The following NELL1 variants were observed in gnomAD, a reference collection of about 807,000 sequenced individuals.
The protein encoded by NELL1 is protein kinase C-binding protein NELL1.
A neutral mutation model predicts 107.4 loss-of-function variants in NELL1; 76 were observed. That is an observed-to-expected ratio of 0.71 (90% confidence interval 0.59 to 0.86). NELL1 has a LOEUF of 0.86. NELL1 is among the 40% of genes least tolerant of loss of function. The probability of loss-of-function intolerance (pLI) is 0.00; values close to 1 mark genes in which losing one functional copy is unlikely to be tolerated. For missense variants in NELL1, 1,024 were observed against 1,005.5 expected (o/e 1.02, Z -0.25); for synonymous variants, 353 against 341.2 (o/e 1.03, Z -0.38).
chr11:20,702,272 T>G (rs1295183451), intron 2 of NELL1, among the ~76,000 whole-genome samples: 1 of 152,182 alleles, frequency 6.6e-6, no homozygotes, highest in Non-Finnish European at 1.5e-5. Context: ...TTTGAAGCAA[T>G]TATGAATAGG....
intron 12 of NELL1, among the ~76,000 whole-genome samples, chr11:21,093,309 C>A (rs1854563404): frequency 6.6e-6 from 1 of 152,094 alleles, no homozygotes; most frequent in Non-Finnish European, 1.5e-5. Flanking sequence ...TCCATCTTTG[C>A]CATTTGGGCA....
intron 14 of NELL1, among the ~76,000 whole-genome samples, chr11:21,343,710 A>G (rs926756120): frequency 6.6e-6 from 1 of 152,180 alleles, no homozygotes; most frequent in Non-Finnish European, 1.5e-5. Flanking sequence ...ATGTAAATTA[A>G]TGAGCTTCAC....
intron 16 of NELL1, among the ~76,000 whole-genome samples, chr11:21,546,004 C>A (rs914750828): frequency 6.6e-6 from 1 of 151,944 alleles, no homozygotes; most frequent in Admixed American, 6.6e-5. Flanking sequence ...GGGGTTTTCA[C>A]TGAAAGCCCT....
At chr11:21,055,049 T>TA (rs1211744611) in intron 12 of NELL1, among the ~76,000 whole-genome samples, 1 of 152,074 alleles carries the variant, frequency 6.6e-6, no homozygotes, top group Non-Finnish European at 1.5e-5. Context: ...TACCTTGCCT[T>TA]ATGGTGTGAG....
chr11:20,945,408 T>A (rs1850941657), intron 10 of NELL1, among the ~76,000 whole-genome samples: 1 of 152,242 alleles, frequency 6.6e-6, no homozygotes, highest in African/African-American at 2.4e-5. Flanking sequence ...TGCATGTAAC[T>A]TCCGGCTCTC....
intron 3 of NELL1, among the ~76,000 whole-genome samples, chr11:20,790,822 G>T (rs1485487988): frequency 6.6e-6 from 1 of 152,214 alleles, no homozygotes; most frequent in Non-Finnish European, 1.5e-5. Flanking sequence ...GCTTTTTCAA[G>T]GCTCCCAGTG....
intron 15 of NELL1, among the ~76,000 whole-genome samples, chr11:21,524,174 C>T (rs1204649608): frequency 6.6e-6 from 1 of 152,056 alleles, no homozygotes; most frequent in Non-Finnish European, 1.5e-5. Context: ...TGGTTTAAAT[C>T]CCCACTCTGT....
intron 14 of NELL1, among the ~76,000 whole-genome samples, chr11:21,349,940 A>G (rs915342647): frequency 1.3e-5 from 2 of 152,144 alleles, no homozygotes; most frequent in African/African-American, 2.4e-5. Context: ...AATCATTTCA[A>G]TTAACTGTGC....
intron 11 of NELL1, among the ~76,000 whole-genome samples, chr11:20,953,175 G>A (rs1249238625): frequency 3.3e-5 from 5 of 152,134 alleles, no homozygotes; most frequent in Admixed American, 3.3e-4. Context: ...TTCAAGGTTG[G>A]GTAAGCAGTA....
At chr11:20,716,715 T>G (rs1519723) in intron 2 of NELL1, among the ~76,000 whole-genome samples, 5,264 of 152,318 alleles carry the variant, frequency 0.035, 311 homozygotes, top group African/African-American at 0.12. Context: ...TTACTAGCTG[T>G]GTAATCTTGG....
intron 14 of NELL1, among the ~76,000 whole-genome samples, chr11:21,267,363 G>C (rs1385844062): frequency 6.6e-6 from 1 of 151,802 alleles, no homozygotes; most frequent in African/African-American, 2.4e-5. Flanking sequence ...TACCTGTGGG[G>C]GTTTGAATTT....
rs973620661 is a variant in NELL1, at chr11:21,337,743, T to C, written c.1550-33110T>C. 4.0e-5 allele frequency among the ~76,000 whole-genome samples: 4 copies of C among 99,554 alleles called. No individual in the cohort carries two copies. The East Asian group carries it at 1.2e-3, about 31-fold the overall frequency. The allele number at this position is 99,554 out of a possible 152,430, so 65.3% of individuals were successfully genotyped here. On this transcript the variant is annotated intron_variant, in intron 14 of 19. Transcript: ENST00000357134. ...CATTCTTTTCTTTCTTTCCTTTCTTTCTTTCTTTCTTTCTTTCTTTCTTTC... is the reference window on the plus strand; with the variant it reads ...CATTCTTTTCTTTCTTTCCTTTCTTCCTTTCTTTCTTTCTTTCTTTCTTTC...
chr11:21,475,088 A>G (rs1202828551), intron 15 of NELL1, among the ~76,000 whole-genome samples: 1 of 152,190 alleles, frequency 6.6e-6, no homozygotes, highest in African/African-American at 2.4e-5. Context: ...TATCCTGCAT[A>G]TGCGAAAAAC....
intron 13 of NELL1, among the ~76,000 whole-genome samples, chr11:21,126,906 A>C (rs184574476): frequency 3.0e-4 from 45 of 152,320 alleles, no homozygotes; most frequent in Admixed American, 8.5e-4. Context: ...AAGTCAAGAG[A>C]AATATCACCT....
intron 9 of NELL1, among the ~76,000 whole-genome samples, chr11:20,933,619 T>C (rs1347768404): frequency 6.6e-6 from 1 of 152,192 alleles, no homozygotes; most frequent in Non-Finnish European, 1.5e-5. Flanking sequence ...AACAGTGTGC[T>C]GATTTTGACA....
chr11:20,895,722 G>A (rs1198936146), intron 5 of NELL1, among the ~76,000 whole-genome samples: 2 of 151,794 alleles, frequency 1.3e-5, no homozygotes, highest in African/African-American at 2.4e-5. Flanking sequence ...TGGCCAGGCT[G>A]GTCTTGAACT....
chr11:21,235,917 T>C (rs1363983023), intron 14 of NELL1, among the ~76,000 whole-genome samples: 1 of 152,144 alleles, frequency 6.6e-6, no homozygotes, highest in Non-Finnish European at 1.5e-5. Context: ...TCTAAACTTA[T>C]TAGCAAGGCA....
intron 5 of NELL1, among the ~76,000 whole-genome samples, chr11:20,896,750 C>T (rs1849746791): frequency 6.6e-6 from 1 of 152,160 alleles, no homozygotes; most frequent in African/African-American, 2.4e-5. Flanking sequence ...AAATCACAAG[C>T]ATTCTTATAC....
At chr11:20,860,146 C>T (rs1848953079) in intron 4 of NELL1, among the ~76,000 whole-genome samples, 1 of 152,170 alleles carries the variant, frequency 6.6e-6, no homozygotes. Flanking sequence ...TCTAGGATGT[C>T]AAGTTCACTC....
Sources: gnomAD v4.1 joint callset for allele counts (sites outside exome capture counted in the v4.1 genomes callset) on GRCh38, gnomAD v4.1.1 for gene constraint, MANE v1.5 for transcripts, NCBI Gene and HGNC (gene_info 2026-07-23, HGNC 2026-07-21) for gene names.